CMSS1: variants seen among roughly 807,000 people sequenced by gnomAD.
The protein encoded by CMSS1 is protein CMSS1.
In CMSS1, 33 loss-of-function variants were observed where a neutral mutation model predicts 43.5. That is an observed-to-expected ratio of 0.76 (90% CI 0.57 to 1.01). The LOEUF is 1.01. CMSS1 is among the 50% of genes least tolerant of loss of function. The pLI is 0.00. For synonymous variants in CMSS1, 115 were observed against 117.2 expected (o/e 0.98, Z 0.12); for missense variants, 313 against 326.4 (o/e 0.96, Z 0.32).
intron 1 of CMSS1, among the ~76,000 whole-genome samples, chr3:100,010,591 A>G (rs1710116365): frequency 6.6e-6 from 1 of 150,892 alleles, no homozygotes; most frequent in Admixed American, 6.6e-5. Context: ...AGCATTCTAT[A>G]TCATCTGAGA....
intron 1 of CMSS1, among the ~76,000 whole-genome samples, chr3:99,844,898 C>T (rs759076264): frequency 6.6e-6 from 1 of 152,176 alleles, no homozygotes; most frequent in Non-Finnish European, 1.5e-5. Context: ...TTTTCTTTGC[C>T]TCCTGCCATG....
At chr3:100,177,861 G>C (rs757399362) in intron 9 of CMSS1, among the ~76,000 whole-genome samples, 7 of 152,156 alleles carry the variant, frequency 4.6e-5, no homozygotes, top group Admixed American at 2.0e-4. Context: ...ACTCACACCA[G>C]TAATCCCAGC....
chr3:100,135,438 ATG>A (rs71132511), intron 1 of CMSS1, among the ~76,000 whole-genome samples: 18,978 of 120,510 alleles, frequency 0.16, 1,170 homozygotes, highest in Middle Eastern at 0.19. Context: ...GTGTGTGTGC[ATG>A]TGTGTGTGTG....
intron 1 of CMSS1, among the ~76,000 whole-genome samples, chr3:99,832,968 T>G (rs1379163102): frequency 6.6e-6 from 1 of 151,666 alleles, no homozygotes; most frequent in Non-Finnish European, 1.5e-5. Context: ...GAGCGTTATG[T>G]CAAATAGCTC....
At chr3:99,996,582 T>C (rs548393961) in intron 1 of CMSS1, among the ~76,000 whole-genome samples, 17 of 152,254 alleles carry the variant, frequency 1.1e-4, no homozygotes, top group Middle Eastern at 3.4e-3. Flanking sequence ...GATAAAGACA[T>C]ACCCAAGACT....
intron 8 of CMSS1, among the ~76,000 whole-genome samples, chr3:100,175,389 C>G (rs1003788916): frequency 1.2e-4 from 18 of 152,118 alleles, no homozygotes; most frequent in East Asian, 3.9e-4. Context: ...CATTTTGAAG[C>G]TGTTATAATA....
chr3:99,952,428 C>G (rs1035482631), intron 1 of CMSS1, among the ~76,000 whole-genome samples: 1 of 152,172 alleles, frequency 6.6e-6, no homozygotes, highest in Non-Finnish European at 1.5e-5. Flanking sequence ...CTGGCTGATC[C>G]TACCCCAGCC....
At chr3:99,895,916 C>T (rs1364482230) in intron 1 of CMSS1, among the ~76,000 whole-genome samples, 6 of 152,126 alleles carry the variant, frequency 3.9e-5, no homozygotes, top group Non-Finnish European at 5.9e-5. Context: ...CAAAGGAACC[C>T]ATCATCTATG....
At chr3:99,875,112 A>G (rs1393987903) in intron 1 of CMSS1, among the ~76,000 whole-genome samples, 2 of 152,206 alleles carry the variant, frequency 1.3e-5, no homozygotes, top group Admixed American at 1.3e-4. Context: ...TGATGAATCA[A>G]TTTTTCATCT....
At chr3:100,011,760 T>A (rs1171645191) in intron 1 of CMSS1, 1 of 152,206 alleles carries the variant, frequency 6.6e-6, no homozygotes, top group African/African-American at 2.4e-5. Flanking sequence ...GCCCATCAGG[T>A]AGGGATGACC....
rs79990373 is a variant in CMSS1, at chr3:100,001,341, G to A, written c.65-145632G>A. On this transcript the variant is annotated intron_variant, in intron 1 of 9. Transcript: ENST00000421999. ...GCTGTTTCTGTGACGCAGTGTCAGAGGTGAGTAGCTGCGACAGAGATCACA... is the reference window on the plus strand; with the variant it reads ...GCTGTTTCTGTGACGCAGTGTCAGAAGTGAGTAGCTGCGACAGAGATCACA... Among the ~76,000 whole-genome samples the A allele has an allele frequency of 3.4e-3, 513 of 152,266 alleles. 5 individuals are homozygous for A. Among genetic ancestry groups the A allele is most frequent in the African/African-American group, 0.011 (474 of 41,552 alleles).
At chr3:100,096,548 G>A (rs1324770612) in intron 1 of CMSS1, among the ~76,000 whole-genome samples, 2 of 152,058 alleles carry the variant, frequency 1.3e-5, no homozygotes, top group African/African-American at 4.8e-5. Flanking sequence ...TTATTTGTAG[G>A]ATGTAGAAAT....
intron 1 of CMSS1, among the ~76,000 whole-genome samples, chr3:100,130,994 G>A (rs1481171756): frequency 6.6e-6 from 1 of 152,158 alleles, no homozygotes; most frequent in African/African-American, 2.4e-5. Context: ...TCAAAAAGTT[G>A]AGAGTTAACA....
At chr3:99,852,714 G>A (rs1943763248) in intron 1 of CMSS1, among the ~76,000 whole-genome samples, 1 of 152,138 alleles carries the variant, frequency 6.6e-6, no homozygotes. Context: ...AAAGTGCTGA[G>A]ATAACAGGTG....
intron 7 of CMSS1, 48 bp downstream of exon 7, chr3:100,171,947 C>G: frequency 7.1e-7 from 1 of 1,401,730 alleles, no homozygotes; most frequent in Non-Finnish European, 1.0e-6. Context: ...CAGACCTCAG[C>G]TTTTTTCCTT....
At chr3:100,032,631 A>G (rs2065039431) in intron 1 of CMSS1, among the ~76,000 whole-genome samples, 1 of 152,212 alleles carries the variant, frequency 6.6e-6, no homozygotes, top group Non-Finnish European at 1.5e-5. Flanking sequence ...TAAAGGCTAT[A>G]TTGACGAACT....
At chr3:100,004,736 G>T (rs9833888) in intron 1 of CMSS1, among the ~76,000 whole-genome samples, 28,112 of 152,124 alleles carry the variant, frequency 0.18, 2,936 homozygotes, top group South Asian at 0.25. Flanking sequence ...TAAAAGGTAG[G>T]ATTGGTGGGT....
At chr3:99,931,036 A>G (rs1479180005) in intron 1 of CMSS1, 1 of 1,608,112 alleles carries the variant, frequency 6.2e-7, no homozygotes, top group African/African-American at 1.3e-5. Context: ...AAAGCCTGGA[A>G]GGAGGGAAGA....
At chr3:99,974,221 G>A (rs534882110) in intron 1 of CMSS1, among the ~76,000 whole-genome samples, 4 of 152,278 alleles carry the variant, frequency 2.6e-5, no homozygotes, top group South Asian at 2.1e-4. Context: ...AGGACTTGTC[G>A]TTTTTATCTT....
Sources: allele counts gnomAD v4.1 joint callset (sites outside exome capture counted in the v4.1 genomes callset), GRCh38; gene constraint gnomAD v4.1.1; transcripts MANE v1.5; gene names NCBI Gene and HGNC (gene_info 2026-07-23, HGNC 2026-07-21).